Variants in CACNB2 observed in about 807,000 individuals in gnomAD.
CACNB2 encodes the protein voltage-dependent L-type calcium channel subunit beta-2.
Under a neutral mutation model 73.3 loss-of-function variants are expected in CACNB2, and 42 were observed. That is an observed-to-expected ratio of 0.57 (90% CI 0.45 to 0.74). The LOEUF is 0.74. CACNB2 is among the 30% of genes least tolerant of loss of function. CACNB2 has a pLI of 0.00. For missense variants in CACNB2, 940 were observed against 853.0 expected, an observed-to-expected ratio of 1.10 and a Z score of -1.27; for synonymous variants, 348 against 310.3, an observed-to-expected ratio of 1.12 and a Z score of -1.28.
intron 2 of CACNB2, among the ~76,000 whole-genome samples, chr10:18,304,857 TC>T (rs2039667467): frequency 6.6e-6 from 1 of 152,214 alleles, no homozygotes; most frequent in Admixed American, 6.5e-5. Flanking sequence ...ACAGGGGCGG[TC>T]CCTTTCCTCA....
intron 2 of CACNB2, among the ~76,000 whole-genome samples, chr10:18,377,257 C>T (rs1365036297): frequency 1.3e-5 from 2 of 152,160 alleles, no homozygotes. Flanking sequence ...TAAAGTTAAA[C>T]TCCTCCATTA....
At chr10:18,280,755 G>C (rs1211250415) in intron 2 of CACNB2, among the ~76,000 whole-genome samples, 1 of 152,150 alleles carries the variant, frequency 6.6e-6, no homozygotes, top group South Asian at 2.1e-4. Context: ...AAATAAAAAT[G>C]ACAGTTAATT....
At position 18,240,243 on chromosome 10, in the gene CACNB2, A is replaced by G. The variant is rs139817098; in HGVS notation, c.213+89268A>G. On this transcript the variant is annotated intron_variant, in intron 2 of 13. Coordinates refer to ENST00000324631, the MANE Select transcript of CACNB2 (RefSeq NM_201596.3). Reference sequence around the variant, plus strand: ...TCCCACTTGGACTCTCTCTTGAACAATATTATTCTACAATCCAAATAACAT... The same window carrying G: ...TCCCACTTGGACTCTCTCTTGAACAGTATTATTCTACAATCCAAATAACAT... Among the ~76,000 whole-genome samples the G allele has an allele frequency of 2.8e-3, 423 of 152,320 alleles. 1 individual carries two copies. Among genetic ancestry groups the G allele is most frequent in the African/African-American group, 9.6e-3 (401 of 41,564 alleles).
rs559018880 is a variant in CACNB2, at chr10:18,384,172, G to A, written c.214-17752G>A. On this transcript the variant is annotated intron_variant, in intron 2 of 13. Coordinates refer to ENST00000324631, the MANE Select transcript of CACNB2 (RefSeq NM_201596.3). ...TGGTAGAGTCAGTACTGAGACTCCC[G>A]AAGATCAATAGGACCAGCATATGGT... 9.2e-5 allele frequency among the ~76,000 whole-genome samples: 14 copies of A among 152,240 alleles called. No individual in the cohort carries two copies. In the East Asian group the frequency reaches 2.3e-3, roughly 25 times the overall value.
intron 3 of CACNB2, among the ~76,000 whole-genome samples, chr10:18,433,454 T>C (rs2045985705): frequency 6.6e-6 from 1 of 152,206 alleles, no homozygotes; most frequent in South Asian, 2.1e-4. Context: ...TGTATTGCTG[T>C]TGTTATCCAA....
intron 2 of CACNB2, among the ~76,000 whole-genome samples, chr10:18,283,663 C>T (rs1183876601): frequency 9.0e-6 from 1 of 111,454 alleles, no homozygotes; most frequent in African/African-American, 3.7e-5. Flanking sequence ...ACACTGGGGC[C>T]TGTCATGAGT....
At chr10:18,448,479 TAAAAAAAAAAAAA>T (rs56255761) in intron 3 of CACNB2, among the ~76,000 whole-genome samples, 1 of 107,066 alleles carries the variant, frequency 9.3e-6, no homozygotes, top group Non-Finnish European at 1.8e-5. Context: ...CTCTCTCATT[TAAAAAAAAAAAAA>T]AAAAAAAAAG....
intron 2 of CACNB2, among the ~76,000 whole-genome samples, chr10:18,396,758 A>G (rs2043732454): frequency 6.6e-6 from 1 of 152,176 alleles, no homozygotes; most frequent in Non-Finnish European, 1.5e-5. Context: ...GTTGTGAGCT[A>G]TTGTGCCTGG....
intron 2 of CACNB2, chr10:18,401,007 G>A (rs565383119): frequency 2.5e-6 from 4 of 1,614,000 alleles, no homozygotes; most frequent in Non-Finnish European, 2.5e-6. Context: ...CTGCAGCTGC[G>A]GACGATAAAG....
At chr10:18,177,086 C>G (rs757116158) in intron 2 of CACNB2, among the ~76,000 whole-genome samples, 46 of 152,136 alleles carry the variant, frequency 3.0e-4, no homozygotes, top group Admixed American at 1.2e-3. Context: ...GTTTAGGTTG[C>G]AAAGACATTT....
rs1326722618 is a variant in CACNB2 at position 18,220,128 on chromosome 10, TATATATATATATATATATATATATATAC to T, written c.213+69155_213+69182del. On this transcript the variant is annotated intron_variant, in intron 2 of 13. Coordinates refer to ENST00000324631, the MANE Select transcript of CACNB2 (RefSeq NM_201596.3). Reference sequence around the variant, plus strand: ...ATTTTTTAATATATATATATATATATATATATATATATATATATATATATATACACACACACACACACACATACATATA... The same window carrying T: ...ATTTTTTAATATATATATATATATATACACACACACACACACATACATATA... 6.1e-4 allele frequency among the ~76,000 whole-genome samples: 17 copies of T among 27,774 alleles called. 2 individuals are homozygous for T. Among genetic ancestry groups the T allele is most frequent in the African/African-American group, 4.5e-3 (10 of 2,238 alleles). The allele number at this position is 27,774 out of a possible 152,430, so 18.2% of individuals were successfully genotyped here. A position where few individuals can be genotyped will look rare whatever the true frequency, so the allele number is the denominator to read the frequency against.
intron 10 of CACNB2, among the ~76,000 whole-genome samples, chr10:18,530,247 C>A (rs776961681): frequency 2.0e-5 from 3 of 152,136 alleles, no homozygotes; most frequent in Non-Finnish European, 2.9e-5. Flanking sequence ...TGGAGGCATT[C>A]ATTCATTTAG....
intron 3 of CACNB2, among the ~76,000 whole-genome samples, chr10:18,445,901 G>A (rs949267805): frequency 1.3e-4 from 20 of 152,186 alleles, no homozygotes; most frequent in Non-Finnish European, 2.5e-4. Flanking sequence ...GGGCGTGGTG[G>A]CACATGCCTG....
At chr10:18,521,938 A>G (rs2051931731) in intron 9 of CACNB2, among the ~76,000 whole-genome samples, 6 of 152,178 alleles carry the variant, frequency 3.9e-5, no homozygotes, top group Non-Finnish European at 7.4e-5. Context: ...ATGGCCTGCT[A>G]GGGGCCACAC....
At chr10:18,371,652 A>G (rs1357509835) in intron 2 of CACNB2, among the ~76,000 whole-genome samples, 2 of 152,134 alleles carry the variant, frequency 1.3e-5, no homozygotes, top group African/African-American at 2.4e-5. Context: ...GAATAGTGCC[A>G]CAATAAACAT....
chr10:18,490,379 C>G (rs1388699757), intron 3 of CACNB2, among the ~76,000 whole-genome samples: 2 of 152,172 alleles, frequency 1.3e-5, no homozygotes, highest in African/African-American at 4.8e-5. Flanking sequence ...GCTCATACGT[C>G]ATGTCGAAAG....
At chr10:18,380,150 T>C (rs1052911768) in intron 2 of CACNB2, among the ~76,000 whole-genome samples, 3 of 152,218 alleles carry the variant, frequency 2.0e-5, no homozygotes, top group Non-Finnish European at 4.4e-5. Flanking sequence ...TCAATGTAAA[T>C]TTTTAGTTTT....
chr10:18,348,356 A>ATACAT (rs2041557719), intron 2 of CACNB2, among the ~76,000 whole-genome samples: 1 of 152,240 alleles, frequency 6.6e-6, no homozygotes, highest in Non-Finnish European at 1.5e-5. Context: ...GTCTCTTTAA[A>ATACAT]ATGATTTAAT....
intron 2 of CACNB2, among the ~76,000 whole-genome samples, chr10:18,332,863 T>C (rs1000566116): frequency 7.2e-5 from 11 of 152,170 alleles, no homozygotes; most frequent in Non-Finnish European, 1.5e-4. Context: ...TGAAAAGATG[T>C]TTAATTCATT....
Sources: gnomAD v4.1 joint callset for allele counts (sites outside exome capture counted in the v4.1 genomes callset) on GRCh38, gnomAD v4.1.1 for gene constraint, MANE v1.5 for transcripts, NCBI Gene and HGNC (gene_info 2026-07-23, HGNC 2026-07-21) for gene names.